RIN2: variants seen among roughly 807,000 people sequenced by gnomAD.
RIN2 encodes the protein Ras and Rab interactor 2.
In RIN2, 36 loss-of-function variants were observed where a neutral mutation model predicts 78.0. That is an observed-to-expected ratio of 0.46 (90% CI 0.35 to 0.61). RIN2 has a LOEUF of 0.61. RIN2 is among the 20% of genes least tolerant of loss of function. RIN2 has a pLI of 0.00. For synonymous variants in RIN2, 466 were observed against 466.8 expected, an observed-to-expected ratio of 1.00 and a Z score of 0.02; for missense variants, 1,087 against 1,159.7, an observed-to-expected ratio of 0.94 and a Z score of 0.91.
chr20:19,764,918 G>GTTTTTTTTTTTTTTTTTTTTTTTTT (rs10605325), intron 1 of RIN2, among the ~76,000 whole-genome samples: 2 of 50,388 alleles, frequency 4.0e-5, no homozygotes, highest in Non-Finnish European at 7.3e-5. Context: ...CACTTTCTGC[G>GTTTTTTTTTTTTTTTTTTTTTTTTT]TTTTTTTTTT....
chr20:19,811,006 C>T (rs552423197), intron 2 of RIN2, among the ~76,000 whole-genome samples: 3 of 150,738 alleles, frequency 2.0e-5, no homozygotes, highest in Admixed American at 6.6e-5. Context: ...CCACCGTGCC[C>T]GGCCAAGGTA....
At chr20:19,768,460 C>T (rs891158149) in intron 1 of RIN2, among the ~76,000 whole-genome samples, 16 of 152,222 alleles carry the variant, frequency 1.1e-4, no homozygotes, top group African/African-American at 3.6e-4. Flanking sequence ...GCTTCCAGCT[C>T]TCTCTGCATG....
chr20:19,986,157 G>A (rs1293876862), intron 9 of RIN2, among the ~76,000 whole-genome samples: 2 of 152,196 alleles, frequency 1.3e-5, no homozygotes, highest in African/African-American at 2.4e-5. Flanking sequence ...TGTCTGAGGT[G>A]GTTCATGTTA....
intron 3 of RIN2, among the ~76,000 whole-genome samples, chr20:19,894,865 G>T (rs1030814038): frequency 3.3e-5 from 5 of 152,092 alleles, no homozygotes; most frequent in Non-Finnish European, 7.3e-5. Flanking sequence ...CATGTCACCT[G>T]CTTGAAGACC....
chr20:19,986,922 C>T (rs1193680644), intron 9 of RIN2, among the ~76,000 whole-genome samples: 1 of 152,246 alleles, frequency 6.6e-6, no homozygotes, highest in Admixed American at 6.5e-5. Flanking sequence ...TCCAGAACAT[C>T]TCTAATCCCT....
chr20:19,966,300 G>A (rs568555186), intron 7 of RIN2, among the ~76,000 whole-genome samples: 1 of 151,274 alleles, frequency 6.6e-6, no homozygotes, highest in Admixed American at 6.6e-5. Context: ...ACTAGACTCT[G>A]CCAGAGGGCA....
chr20:19,901,940 C>T (rs905802324), intron 3 of RIN2, among the ~76,000 whole-genome samples: 10 of 148,150 alleles, frequency 6.7e-5, no homozygotes, highest in Non-Finnish European at 1.5e-4. Flanking sequence ...CACTCGAACC[C>T]GGGAGGCGGA....
At chr20:19,797,859 CTTT>C (rs750371451) in intron 1 of RIN2, among the ~76,000 whole-genome samples, 9,986 of 127,780 alleles carry the variant, frequency 0.078, 306 homozygotes, top group Middle Eastern at 0.11. Context: ...TCTACTTAAT[CTTT>C]TTTTTTTTTT....
chr20:19,938,030 T>C (rs929637870), intron 4 of RIN2, among the ~76,000 whole-genome samples: 3 of 152,220 alleles, frequency 2.0e-5, no homozygotes, highest in Non-Finnish European at 4.4e-5. Flanking sequence ...CCATGGTCCA[T>C]CTGCCCTCCT....
chr20:19,821,320 T>G (rs1279344486), intron 2 of RIN2, among the ~76,000 whole-genome samples: 1 of 152,154 alleles, frequency 6.6e-6, no homozygotes, highest in Non-Finnish European at 1.5e-5. Flanking sequence ...CCACTCAAGT[T>G]TCCTAAGAGA....
chr20:19,892,217 A>T (rs6046430), intron 3 of RIN2, among the ~76,000 whole-genome samples: 67,793 of 151,754 alleles, frequency 0.45, 15,217 homozygotes, highest in Non-Finnish European at 0.48. Context: ...TTCATTAATT[A>T]ATTAATTAAT....
At chr20:19,978,206 A>G (rs2042342860) in intron 9 of RIN2, among the ~76,000 whole-genome samples, 1 of 152,204 alleles carries the variant, frequency 6.6e-6, no homozygotes, top group Non-Finnish European at 1.5e-5. Context: ...GCTTCTGAAG[A>G]AGATAGCTCT....
intron 1 of RIN2, among the ~76,000 whole-genome samples, chr20:19,769,390 C>A (rs1214205191): frequency 1.3e-5 from 2 of 152,104 alleles, no homozygotes; most frequent in Admixed American, 1.3e-4. Flanking sequence ...ACAGCACACA[C>A]CCTCACCACC....
rs1015369283 is a variant in RIN2 at position 19,951,689 on chromosome 20, G to A, written c.159-4926G>A. On this transcript the variant is annotated intron_variant, in intron 4 of 12. Coordinates refer to ENST00000255006, the MANE Select transcript of RIN2 (RefSeq NM_018993.4). ...CTTGCATTGATTACTACCTGGTGGT[G>A]AAGGTATTGTTATTTACTATTTTCA... 2.0e-5 allele frequency among the ~76,000 whole-genome samples: 3 copies of A among 152,216 alleles called. No homozygotes were observed. The East Asian group carries it at 5.8e-4, about 29-fold the overall frequency.
At chr20:19,877,650 T>A (rs541995801) in intron 2 of RIN2, among the ~76,000 whole-genome samples, 3 of 152,234 alleles carry the variant, frequency 2.0e-5, no homozygotes, top group Non-Finnish European at 2.9e-5. Context: ...GCCACAAGGA[T>A]GTAACTAGGC....
chr20:19,946,828 C>T (rs761472326), intron 4 of RIN2, among the ~76,000 whole-genome samples: 2 of 151,386 alleles, frequency 1.3e-5, no homozygotes, highest in Admixed American at 6.6e-5. Context: ...GTCAGGAGTT[C>T]GAGACCAGCC....
chr20:19,960,900 T>C (rs543351139), intron 6 of RIN2, 89 bp downstream of exon 6: 10 of 726,544 alleles, frequency 1.4e-5, no homozygotes, highest in Non-Finnish European at 2.3e-5. Flanking sequence ...GGTTATGAGA[T>C]GGGCAGATAT....
At chr20:19,764,274 C>T (rs1045084462) in intron 1 of RIN2, among the ~76,000 whole-genome samples, 1 of 152,164 alleles carries the variant, frequency 6.6e-6, no homozygotes, top group Non-Finnish European at 1.5e-5. Context: ...AACTATGGCT[C>T]GATTACAAGA....
chr20:19,858,539 C>T (rs966380755), intron 2 of RIN2, among the ~76,000 whole-genome samples: 1 of 152,162 alleles, frequency 6.6e-6, no homozygotes, highest in Admixed American at 6.5e-5. Flanking sequence ...CAGCCCTGAT[C>T]TATTGCCTAG....
Sources: allele counts gnomAD v4.1 joint callset (sites outside exome capture counted in the v4.1 genomes callset), GRCh38; gene constraint gnomAD v4.1.1; transcripts MANE v1.5; gene names NCBI Gene and HGNC (gene_info 2026-07-23, HGNC 2026-07-21).